The following UIMC1 variants were observed in gnomAD, a reference collection of about 807,000 sequenced individuals.
The protein encoded by UIMC1 is ubiquitin interaction motif containing 1.
Under a neutral mutation model 84.9 loss-of-function variants are expected in UIMC1, and 42 were observed. The ratio of observed to expected loss-of-function variants is 0.49; its 90% CI spans 0.39 to 0.64. The LOEUF (loss-of-function observed/expected upper bound fraction) is 0.64. Among genes scored for constraint, UIMC1 ranks in the 30% least tolerant of loss-of-function variants. UIMC1 has a pLI of 0.00. For synonymous variants in UIMC1, 281 were observed against 293.0 expected (o/e 0.96, Z 0.42); for missense variants, 825 against 847.6 (o/e 0.97, Z 0.33).
intron 10 of UIMC1, among the ~76,000 whole-genome samples, chr5:176,940,593 A>G (rs1028330932): frequency 2.6e-5 from 4 of 152,168 alleles, no homozygotes; most frequent in Non-Finnish European, 4.4e-5. Context: ...AAAAACAATC[A>G]GACTAAAGAG....
At chr5:176,986,217 C>G (rs425957) in intron 1 of UIMC1, among the ~76,000 whole-genome samples, 141,256 of 151,680 alleles carry the variant, frequency 0.93, 65,876 homozygotes, top group East Asian at 1. Context: ...AAAATTAGCT[C>G]GGCGTGGTGG....
At chr5:176,991,591 T>C (rs952383391) in intron 1 of UIMC1, among the ~76,000 whole-genome samples, 2 of 144,558 alleles carry the variant, frequency 1.4e-5, no homozygotes, top group Non-Finnish European at 3.0e-5. Flanking sequence ...GGTGGCACTA[T>C]TGCATTCAAG....
At chr5:176,918,808 T>C (rs931369259) in intron 10 of UIMC1, among the ~76,000 whole-genome samples, 1 of 152,244 alleles carries the variant, frequency 6.6e-6, no homozygotes, top group Non-Finnish European at 1.5e-5. Context: ...CTTTCTACTG[T>C]ACTTACTTGC....
intron 10 of UIMC1, among the ~76,000 whole-genome samples, chr5:176,918,462 T>C (rs1761298559): frequency 6.6e-6 from 1 of 152,236 alleles, no homozygotes; most frequent in Admixed American, 6.5e-5. Context: ...TTCTGTCCCC[T>C]GCATCTAAAG....
intron 10 of UIMC1, among the ~76,000 whole-genome samples, chr5:176,927,952 C>T (rs1581410420): frequency 2.0e-5 from 3 of 150,342 alleles, no homozygotes; most frequent in East Asian, 2.0e-4. Context: ...CCTGGGTTCA[C>T]GTGATTCTCC....
intron 6 of UIMC1, among the ~76,000 whole-genome samples, chr5:176,964,699 T>G (rs1768023872): frequency 6.6e-6 from 1 of 152,232 alleles, no homozygotes; most frequent in African/African-American, 2.4e-5. Context: ...CTTTAAACTT[T>G]TCAGCATTTT....
intron 10 of UIMC1, among the ~76,000 whole-genome samples, chr5:176,928,154 T>C (rs564748549): frequency 6.6e-6 from 1 of 152,168 alleles, no homozygotes; most frequent in Admixed American, 6.5e-5. Flanking sequence ...TAGCTTTTTT[T>C]ATAAATAAAC....
At chr5:177,002,383 A>G (rs1442538069) in intron 1 of UIMC1, among the ~76,000 whole-genome samples, 1 of 152,218 alleles carries the variant, frequency 6.6e-6, no homozygotes, top group Non-Finnish European at 1.5e-5. Flanking sequence ...GGAAAGACAC[A>G]AGGGAGCCTT....
intron 5 of UIMC1, 35 bp downstream of exon 5, chr5:176,969,566 T>A (rs1000733011): frequency 6.3e-7 from 1 of 1,594,176 alleles, no homozygotes; most frequent in Non-Finnish European, 8.6e-7. Context: ...CAGTTATACT[T>A]GATGAATGGA....
chr5:176,952,297 C>T (rs1248210075), intron 8 of UIMC1, among the ~76,000 whole-genome samples: 1 of 152,166 alleles, frequency 6.6e-6, no homozygotes, highest in African/African-American at 2.4e-5. Flanking sequence ...ACATTCTAGA[C>T]AAAGATATGC....
Position 176,908,678 on chromosome 5 carries a change from G to A in UIMC1, c.1693C>T (p.Leu565Phe). ...CTAAATGGGACCAGGGATTTACAGA[G>A]GTAACACTTCTCATTCCTATCCAAT... ...LDIDKNEKCY[L>F]CKSLVPFREY... Residue 565 changes from leucine to phenylalanine, a missense_variant, in exon 12 of 15, where the codon CTC (leucine) becomes TTC (phenylalanine). Transcript: ENST00000511320. The A allele has an allele frequency of 1.2e-6, 2 of 1,613,100 alleles. No individual in the cohort carries two copies. The highest frequency in any genetic ancestry group is 2.2e-5 in the East Asian group (1 of 44,820).
chr5:177,007,592 A>G (rs1434308646), upstream of UIMC1, among the ~76,000 whole-genome samples: 1 of 152,244 alleles, frequency 6.6e-6, no homozygotes, highest in Non-Finnish European at 1.5e-5. Flanking sequence ...AAATAGCGAC[A>G]TGCCAACAAA....
intron 10 of UIMC1, among the ~76,000 whole-genome samples, chr5:176,912,281 A>G (rs1760315465): frequency 6.6e-6 from 1 of 152,206 alleles, no homozygotes; most frequent in Admixed American, 6.5e-5. Context: ...GTTAGCAGGA[A>G]AGCAGTCACA....
At chr5:176,958,464 T>C (rs1379362253) in intron 6 of UIMC1, among the ~76,000 whole-genome samples, 4 of 152,204 alleles carry the variant, frequency 2.6e-5, no homozygotes, top group Non-Finnish European at 2.9e-5. Context: ...AACAAGATAA[T>C]GTACACAATG....
intron 10 of UIMC1, among the ~76,000 whole-genome samples, chr5:176,940,007 G>T (rs898924831): frequency 6.6e-6 from 1 of 152,172 alleles, no homozygotes; most frequent in Non-Finnish European, 1.5e-5. Context: ...ACTGATCCTG[G>T]ACACAGCAGA....
At chr5:177,022,302 A>T (rs1775892717) in intron 1 of UIMC1, among the ~76,000 whole-genome samples, 1 of 152,200 alleles carries the variant, frequency 6.6e-6, no homozygotes, top group Non-Finnish European at 1.5e-5. Flanking sequence ...ATGTATTATT[A>T]GCAGTAATAT....
intron 6 of UIMC1, among the ~76,000 whole-genome samples, chr5:176,959,598 C>T (rs1358835427): frequency 2.0e-5 from 3 of 151,364 alleles, no homozygotes; most frequent in African/African-American, 7.3e-5. Context: ...CGCCTGTAGT[C>T]CCAGCTACTT....
At chr5:176,918,303 T>A (rs957704156) in intron 10 of UIMC1, among the ~76,000 whole-genome samples, 10 of 152,236 alleles carry the variant, frequency 6.6e-5, no homozygotes, top group African/African-American at 2.2e-4. Flanking sequence ...ACCCAAGATA[T>A]GATCCATCCA....
chr5:176,986,603 A>G (rs137999534), intron 1 of UIMC1, among the ~76,000 whole-genome samples: 1,577 of 150,618 alleles, frequency 0.01, 9 homozygotes, highest in South Asian at 0.025. Flanking sequence ...ATTTTGGGAG[A>G]CCAAAGCAGG....
Sources: allele counts gnomAD v4.1 joint callset (sites outside exome capture counted in the v4.1 genomes callset), GRCh38; gene constraint gnomAD v4.1.1; transcripts MANE v1.5; gene names NCBI Gene and HGNC (gene_info 2026-07-23, HGNC 2026-07-21).